The following CAMK2D variants were observed in gnomAD, a reference collection of about 807,000 sequenced individuals.
The protein encoded by CAMK2D is calcium/calmodulin-dependent protein kinase type II subunit delta.
A neutral mutation model predicts 84.0 loss-of-function variants in CAMK2D; 37 were observed. That is an observed-to-expected ratio of 0.44 (90% CI 0.34 to 0.58). The LOEUF (loss-of-function observed/expected upper bound fraction) is 0.58. CAMK2D is among the 20% of genes least tolerant of loss of function. CAMK2D has a pLI of 0.02. For missense variants in CAMK2D, 448 were observed against 652.5 expected (o/e 0.69, Z 3.41); for synonymous variants, 202 against 212.5 (o/e 0.95, Z 0.43).
intron 4 of CAMK2D, among the ~76,000 whole-genome samples, chr4:113,570,877 A>G (rs1440658359): frequency 1.3e-5 from 2 of 152,206 alleles, no homozygotes; most frequent in African/African-American, 4.8e-5. Flanking sequence ...GAATGAGAGA[A>G]TATATTTGCA....
At chr4:113,481,808 A>G (rs557262098) in intron 16 of CAMK2D, among the ~76,000 whole-genome samples, 18 of 152,338 alleles carry the variant, frequency 1.2e-4, no homozygotes, top group African/African-American at 4.3e-4. Flanking sequence ...TAAGGTAGTA[A>G]AAGATCTCAC....
chr4:113,734,595 A>C (rs1047419105), intron 2 of CAMK2D, among the ~76,000 whole-genome samples: 3 of 152,214 alleles, frequency 2.0e-5, no homozygotes, highest in African/African-American at 7.2e-5. Flanking sequence ...ATTGACAATA[A>C]GAGAGTGGGA....
intron 2 of CAMK2D, among the ~76,000 whole-genome samples, chr4:113,730,133 A>C (rs1178292872): frequency 2.0e-5 from 3 of 152,232 alleles, no homozygotes; most frequent in African/African-American, 7.2e-5. Flanking sequence ...CAGTTCCTAA[A>C]AAACAGTAAG....
intron 2 of CAMK2D, among the ~76,000 whole-genome samples, chr4:113,664,452 G>A (rs2099249827): frequency 6.6e-6 from 1 of 152,192 alleles, no homozygotes; most frequent in African/African-American, 2.4e-5. Flanking sequence ...CTTGACTGAG[G>A]AAGGATCTGC....
intron 17 of CAMK2D, among the ~76,000 whole-genome samples, chr4:113,462,285 TG>T (rs2097390560): frequency 1.2e-5 from 1 of 84,788 alleles, no homozygotes; most frequent in Non-Finnish European, 2.6e-5. Context: ...TGTGTGTGTG[TG>T]TGTGTGTGTC....
chr4:113,513,419 T>G, intron 11 of CAMK2D, 49 bp from the exon 12 acceptor site: 1 of 1,147,322 alleles, frequency 8.7e-7, no homozygotes, highest in Non-Finnish European at 1.3e-6. Flanking sequence ...ATGCAAATTC[T>G]GGACCTAACA....
intron 6 of CAMK2D, among the ~76,000 whole-genome samples, chr4:113,541,093 T>C (rs1336713237): frequency 2.0e-5 from 3 of 152,242 alleles, no homozygotes; most frequent in African/African-American, 7.2e-5. Flanking sequence ...TCTTTCAATA[T>C]GATTCAAAGT....
chr4:113,580,311 T>C lies in CAMK2D; in HGVS notation c.276-28215A>G, dbSNP rs2098801870. 2.6e-5 allele frequency among the ~76,000 whole-genome samples: 4 copies of C among 152,230 alleles called. No homozygotes were observed. In the South Asian group the frequency reaches 8.3e-4, roughly 31 times the overall value. On this transcript the variant is annotated intron_variant, in intron 4 of 20. Transcript: ENST00000511664. ...GCTGAGTGTTCTCAAATACATAGTT[T>C]ATACTCTCACATGAACATAAACAGA...
chr4:113,504,954 G>T, intron 14 of CAMK2D, 22 bp downstream of exon 14: 1 of 1,452,986 alleles, frequency 6.9e-7, no homozygotes, highest in Non-Finnish European at 9.2e-7. Flanking sequence ...CTTAAGAAGG[G>T]TTACAAAGAG....
At chr4:113,477,432 A>G (rs1271672323) in intron 16 of CAMK2D, among the ~76,000 whole-genome samples, 1 of 152,210 alleles carries the variant, frequency 6.6e-6, no homozygotes. Context: ...TAATTAATTT[A>G]AAAATTCTTG....
intron 16 of CAMK2D, among the ~76,000 whole-genome samples, chr4:113,488,923 G>A (rs1296787976): frequency 6.6e-6 from 1 of 152,040 alleles, no homozygotes; most frequent in East Asian, 1.9e-4. Context: ...CAAGCTTGAG[G>A]TTATCACTGA....
chr4:113,558,728 C>T (rs577712868), intron 4 of CAMK2D, among the ~76,000 whole-genome samples: 3 of 147,700 alleles, frequency 2.0e-5, no homozygotes, highest in East Asian at 3.9e-4. Flanking sequence ...CTGATTTTGC[C>T]GGGTGTGGTG....
intron 3 of CAMK2D, among the ~76,000 whole-genome samples, chr4:113,647,338 A>G (rs1010463629): frequency 6.6e-6 from 1 of 152,244 alleles, no homozygotes; most frequent in Non-Finnish European, 1.5e-5. Context: ...TTTCAAAAGC[A>G]GTTTATTTTC....
chr4:113,658,953 G>A (rs555417083), intron 3 of CAMK2D, among the ~76,000 whole-genome samples: 1 of 152,312 alleles, frequency 6.6e-6, no homozygotes, highest in Non-Finnish European at 1.5e-5. Context: ...ACATTTGGCT[G>A]TTATGGATCC....
intron 4 of CAMK2D, among the ~76,000 whole-genome samples, chr4:113,606,869 G>GAAACAA (rs373387312): frequency 6.6e-4 from 101 of 151,946 alleles, no homozygotes; most frequent in African/African-American, 2.2e-3. Context: ...ACGAGAAAAA[G>GAAACAA]AAACAAAAAC....
In CAMK2D at chr4:113,460,207, G is replaced by T; in HGVS notation, c.1246C>A (p.Pro416Thr). 6.2e-7 allele frequency: 1 copy of T among 1,606,892 alleles called. No individual in the cohort carries two copies. The highest frequency in any genetic ancestry group is 8.5e-7 in the Non-Finnish European group (1 of 1,174,896). ...TCCACTAAATTACCCAAAGCTTCAG[G>T]TTCAAAAGCAGTAAGGCCTGGGTCA... The part of the protein sequence containing the change: ...ICDPGLTAFE[P>T]EALGNLVEGM... The change falls in exon 18 of 21, where the codon CCT becomes ACT. Residue 416 changes from proline (P) to threonine (T), a missense_variant. By Grantham distance (38) the Pro-to-Thr change is conservative. Coordinates refer to ENST00000511664, the MANE Select transcript of CAMK2D (RefSeq NM_001321571.2).
intron 2 of CAMK2D, among the ~76,000 whole-genome samples, chr4:113,753,447 C>T (rs892001200): frequency 1.3e-5 from 2 of 151,790 alleles, no homozygotes; most frequent in African/African-American, 4.8e-5. Flanking sequence ...ACAATGATAG[C>T]TAAGAGATTT....
chr4:113,585,090 GA>G (rs1463818377), intron 4 of CAMK2D, among the ~76,000 whole-genome samples: 1 of 152,130 alleles, frequency 6.6e-6, no homozygotes, highest in Non-Finnish European at 1.5e-5. Context: ...AGCTGGTAGA[GA>G]AACATAATGT....
chr4:113,684,966 G>A lies in CAMK2D; in HGVS notation c.161-23194C>T, dbSNP rs142980366. 1.5e-3 allele frequency among the ~76,000 whole-genome samples: 222 copies of A among 152,260 alleles called. No homozygotes were observed. The East Asian group carries it at 0.015, about 10-fold the overall frequency. ...GCCTGCTGCTCCTCATCTCTCCCTG[G>A]AAAGAGCTGGCAGCAGATGACCAGA... is the stretch of plus-strand genomic sequence containing the variant. On this transcript the variant is annotated intron_variant, in intron 2 of 20. Transcript: ENST00000511664.
Sources: gnomAD v4.1 joint callset for allele counts (sites outside exome capture counted in the v4.1 genomes callset) on GRCh38, gnomAD v4.1.1 for gene constraint, MANE v1.5 for transcripts, NCBI Gene and HGNC (gene_info 2026-07-23, HGNC 2026-07-21) for gene names.